Variants in RALB observed in about 807,000 individuals in gnomAD.
RALB encodes the protein ras-related protein Ral-B.
A neutral mutation model predicts 21.3 loss-of-function variants in RALB; 16 were observed. That is an observed-to-expected ratio of 0.75 (90% CI 0.51 to 1.14). The LOEUF is 1.14. Among genes scored for constraint, RALB ranks in the 50% most tolerant of loss-of-function variants. The pLI is 0.00. For missense variants in RALB, 161 were observed against 256.2 expected, an observed-to-expected ratio of 0.63 and a Z score of 2.54; for synonymous variants, 93 against 96.1, an observed-to-expected ratio of 0.97 and a Z score of 0.19.
chr2:120,279,072 C>T (rs1474005052), intron 2 of RALB, among the ~76,000 whole-genome samples: 1 of 152,154 alleles, frequency 6.6e-6, no homozygotes, highest in Non-Finnish European at 1.5e-5. Flanking sequence ...GAGAGAGGAG[C>T]CTTTGTACAG....
At chr2:120,245,290 T>G (rs1030831501) in intron 1 of RALB, among the ~76,000 whole-genome samples, 2 of 152,224 alleles carry the variant, frequency 1.3e-5, no homozygotes, top group Non-Finnish European at 2.9e-5. Flanking sequence ...AGGCTTGGTC[T>G]GCCTCTCACC....
At position 120,293,698 on chromosome 2, in the gene RALB, G is replaced by A. The variant is rs1161719352; in HGVS notation, c.*438G>A. 1 of 159,652 alleles carries A rather than the reference G, an allele frequency of 6.3e-6. No homozygotes were observed. Among genetic ancestry groups the A allele is most frequent in the Non-Finnish European group, 1.4e-5 (1 of 73,450 alleles). 9.9% of individuals were successfully genotyped at this position (159,652 alleles called of 1,614,324 possible). On this transcript the variant is annotated 3_prime_UTR_variant, in exon 5 of 5. Transcript: ENST00000272519. ...CCCTCCCACTTTTATCAGTTTAGTA[G>A]TAGTACTGAGAAAAATCCCTTCAGC...
intron 1 of RALB, among the ~76,000 whole-genome samples, chr2:120,266,937 A>G (rs1195851385): frequency 2.0e-5 from 3 of 152,128 alleles, no homozygotes; most frequent in African/African-American, 7.2e-5. Context: ...GAAATGGTAG[A>G]CAATATTGAC....
At chr2:120,274,180 C>T (rs557631806) in intron 1 of RALB, among the ~76,000 whole-genome samples, 1 of 152,276 alleles carries the variant, frequency 6.6e-6, no homozygotes, top group Non-Finnish European at 1.5e-5. Flanking sequence ...TCACAAACCT[C>T]AGCTCTGTAG....
intron 1 of RALB, among the ~76,000 whole-genome samples, chr2:120,242,043 CAG>C (rs1688905176): frequency 6.6e-6 from 1 of 152,148 alleles, no homozygotes; most frequent in Non-Finnish European, 1.5e-5. Context: ...AGTGGATAAA[CAG>C]AGTGTGGCAC....
rs142008443 is a variant in RALB, at chr2:120,279,656, C to A, written c.114+878C>A. Among the ~76,000 whole-genome samples, 5 of 151,970 alleles carry A rather than the reference C, an allele frequency of 3.3e-5. No homozygotes were observed. The East Asian group carries it at 7.7e-4, about 24-fold the overall frequency. ...GCAGATTTTGGTATTTGGTGGGGGT[C>A]ATGGAACCATTTCTCTAGGGATACC... On this transcript the variant is annotated intron_variant, in intron 2 of 4. Coordinates refer to ENST00000272519, the MANE Select transcript of RALB (RefSeq NM_002881.3).
intron 1 of RALB, among the ~76,000 whole-genome samples, chr2:120,257,649 T>G (rs1337185885): frequency 1.3e-5 from 2 of 152,216 alleles, no homozygotes; most frequent in African/African-American, 4.8e-5. Context: ...TTGAAGGTTG[T>G]TAGAGTCACT....
intron 1 of RALB, among the ~76,000 whole-genome samples, chr2:120,275,733 A>G (rs141118284): frequency 2.0e-5 from 3 of 152,260 alleles, no homozygotes; most frequent in African/African-American, 7.2e-5. Context: ...TTGTAGTTAG[A>G]ATGAACACTC....
At chr2:120,282,029 C>T (rs1690002370) in intron 2 of RALB, among the ~76,000 whole-genome samples, 1 of 152,118 alleles carries the variant, frequency 6.6e-6, no homozygotes, top group African/African-American at 2.4e-5. Flanking sequence ...ACAGGACAGC[C>T]CCGAACAAAG....
At chr2:120,249,590 G>C (rs770303498), upstream of RALB, among the ~76,000 whole-genome samples, 14 of 151,784 alleles carry the variant, frequency 9.2e-5, no homozygotes, top group Non-Finnish European at 2.1e-4. Context: ...CAGACCTTGT[G>C]TGAACTCAGA....
chr2:120,268,628 C>T (rs1250360305), intron 1 of RALB, among the ~76,000 whole-genome samples: 6 of 152,126 alleles, frequency 3.9e-5, no homozygotes, highest in Non-Finnish European at 8.8e-5. Context: ...GAGCCATGAT[C>T]GTACCACTGC....
intron 1 of RALB, among the ~76,000 whole-genome samples, chr2:120,256,577 C>T (rs1024237718): frequency 6.6e-6 from 1 of 152,200 alleles, no homozygotes; most frequent in Admixed American, 6.5e-5. Flanking sequence ...CACTCATTCT[C>T]TCTCCTGCTG....
At chr2:120,254,968 C>A (rs1005247894) in intron 1 of RALB, among the ~76,000 whole-genome samples, 2 of 152,218 alleles carry the variant, frequency 1.3e-5, no homozygotes, top group Non-Finnish European at 1.5e-5. Context: ...TGAGCCACCC[C>A]GTCTGGCAGG....
At chr2:120,261,461 AATGAGGTTAGGTT>A (rs1384334590) in intron 1 of RALB, among the ~76,000 whole-genome samples, 2 of 152,112 alleles carry the variant, frequency 1.3e-5, no homozygotes, top group Admixed American at 6.5e-5. Flanking sequence ...CTCTGGGACA[AATGAGGTTAGGTT>A]ATCTGTCAAG....
chr2:120,255,314 AAG>A (rs1689172847), intron 1 of RALB, among the ~76,000 whole-genome samples: 1 of 152,070 alleles, frequency 6.6e-6, no homozygotes, highest in Non-Finnish European at 1.5e-5. Flanking sequence ...TGTTATCGCA[AAG>A]AGAGCCGAGC....
chr2:120,270,447 A>G (rs1220129808), intron 1 of RALB, among the ~76,000 whole-genome samples: 2 of 152,218 alleles, frequency 1.3e-5, no homozygotes, highest in Non-Finnish European at 2.9e-5. Context: ...GCAGCATGTG[A>G]TTCCATAAGA....
intron 1 of RALB, among the ~76,000 whole-genome samples, chr2:120,257,036 T>G (rs1294990166): frequency 6.6e-6 from 1 of 152,252 alleles, no homozygotes; most frequent in Admixed American, 6.5e-5. Context: ...GATGCTGGAA[T>G]TAGCCAAGTA....
At chr2:120,291,762 G>A (rs1028589182) in intron 4 of RALB, among the ~76,000 whole-genome samples, 41 of 152,176 alleles carry the variant, frequency 2.7e-4, no homozygotes, top group African/African-American at 9.7e-4. Flanking sequence ...GTCTTGGGCA[G>A]TGCTTTCCTG....
At chr2:120,273,893 A>G (rs1191703144) in intron 1 of RALB, among the ~76,000 whole-genome samples, 1 of 152,226 alleles carries the variant, frequency 6.6e-6, no homozygotes, top group Non-Finnish European at 1.5e-5. Flanking sequence ...GGCTGGAAAT[A>G]TCCACCATGG....
Sources: allele counts gnomAD v4.1 joint callset (sites outside exome capture counted in the v4.1 genomes callset), GRCh38; gene constraint gnomAD v4.1.1; transcripts MANE v1.5; gene names NCBI Gene and HGNC (gene_info 2026-07-23, HGNC 2026-07-21).